The following TENM2 variants were observed in gnomAD, a reference collection of about 807,000 sequenced individuals.
TENM2 encodes the protein teneurin transmembrane protein 2.
A neutral mutation model predicts 245.2 loss-of-function variants in TENM2; 52 were observed. That is an observed-to-expected ratio of 0.21 (90% CI 0.17 to 0.27). The LOEUF (loss-of-function observed/expected upper bound fraction) is 0.27, where lower values mean the gene tolerates loss of function less well. TENM2 is among the 10% of genes least tolerant of loss of function. The pLI is 1.00. For missense variants in TENM2, 3,046 were observed against 3,666.8 expected (o/e 0.83, Z 4.37); for synonymous variants, 1,363 against 1,438.9 (o/e 0.95, Z 1.19).
intron 4 of TENM2, among the ~76,000 whole-genome samples, chr5:167,960,849 C>G (rs1014961228): frequency 3.3e-5 from 5 of 152,238 alleles, no homozygotes; most frequent in Admixed American, 1.3e-4. Context: ...AGGGAATCTC[C>G]TGGTCTGTGG....
chr5:168,010,386 A>C (rs1389223036), intron 5 of TENM2, among the ~76,000 whole-genome samples: 1 of 152,210 alleles, frequency 6.6e-6, no homozygotes, highest in Admixed American at 6.5e-5. Flanking sequence ...GCTCTTAACC[A>C]TGGGTAAAAT....
chr5:167,470,626 G>C (rs1046700463), intron 2 of TENM2, among the ~76,000 whole-genome samples: 3 of 151,832 alleles, frequency 2.0e-5, no homozygotes, highest in African/African-American at 4.8e-5. Flanking sequence ...ATCCTTGGAA[G>C]TAATGGTCTG....
chr5:167,390,170 C>T (rs898169341), intron 2 of TENM2, among the ~76,000 whole-genome samples: 3 of 152,118 alleles, frequency 2.0e-5, no homozygotes, highest in African/African-American at 4.8e-5. Flanking sequence ...AATGTATTTA[C>T]GGAGTTGATT....
intron 2 of TENM2, among the ~76,000 whole-genome samples, chr5:167,611,021 A>G (rs1777443088): frequency 6.6e-6 from 1 of 152,192 alleles, no homozygotes. Context: ...GTTTTAATGT[A>G]GATTATCTTA....
At chr5:167,768,903 G>A (rs1400750181) in intron 2 of TENM2, among the ~76,000 whole-genome samples, 1 of 152,192 alleles carries the variant, frequency 6.6e-6, no homozygotes, top group African/African-American at 2.4e-5. Context: ...TAGGTAAGAA[G>A]GAGGAAGATT....
At chr5:167,703,703 T>C (rs279407) in intron 2 of TENM2, among the ~76,000 whole-genome samples, 61,285 of 151,976 alleles carry the variant, frequency 0.4, 14,799 homozygotes, top group East Asian at 0.82. Flanking sequence ...AGAAGTAGTA[T>C]ACTAAATTAG....
the TENM2 span, among the ~76,000 whole-genome samples, chr5:167,092,344 G>C: frequency 7.5e-6 from 1 of 134,040 alleles, no homozygotes; most frequent in Non-Finnish European, 1.8e-5. Flanking sequence ...GAGACAGACT[G>C]ACTGGGCCAC....
chr5:168,091,097 T>C (rs537820023), intron 8 of TENM2, among the ~76,000 whole-genome samples: 4 of 152,226 alleles, frequency 2.6e-5, no homozygotes, highest in South Asian at 4.2e-4. Flanking sequence ...GGAACTAACG[T>C]GAATGCCCAC....
At position 168,247,252 on chromosome 5, in the gene TENM2, C is replaced by T. The variant is rs1670014186; in HGVS notation, c.6313C>T (p.Pro2105Ser). ...CAGCTTCCGCATCGCAAGCATCAAG[C>T]CCGTCATAAGTGAGACTCCCCTCCC... The change falls in exon 27 of 29, where the codon CCC (proline) becomes TCC (serine). Residue 2105 changes from proline to serine, a missense_variant. Coordinates refer to ENST00000518659, the Ensembl canonical transcript of TENM2. The surrounding 1 kb of genome is among the most constrained non-coding windows in gnomAD (Gnocchi z 7.8). 1 of 1,613,830 alleles carries T rather than the reference C, an allele frequency of 6.2e-7. No homozygotes were observed. The highest frequency in any genetic ancestry group is 1.3e-5 in the African/African-American group (1 of 74,890).
At chr5:167,373,162 C>T (rs1245681070) in intron 1 of TENM2, among the ~76,000 whole-genome samples, 4 of 152,154 alleles carry the variant, frequency 2.6e-5, no homozygotes, top group Non-Finnish European at 5.9e-5. Flanking sequence ...GGGCTTGATT[C>T]CATTTACACA....
intron 7 of TENM2, among the ~76,000 whole-genome samples, chr5:168,085,906 G>A (rs774981489): frequency 2.6e-5 from 4 of 152,244 alleles, no homozygotes; most frequent in South Asian, 2.1e-4. Context: ...ATCAGACATC[G>A]TCAGGAGGCC....
the TENM2 span, among the ~76,000 whole-genome samples, chr5:167,028,249 C>A: frequency 0.49 from 74,436 of 151,706 alleles, 18,532 homozygotes; most frequent in Admixed American, 0.59. Flanking sequence ...TATTCTGTCA[C>A]CATAACATTT....
chr5:167,452,148 A>G (rs1765622919), intron 2 of TENM2, among the ~76,000 whole-genome samples: 2 of 152,232 alleles, frequency 1.3e-5, no homozygotes, highest in African/African-American at 4.8e-5. Context: ...AGAATTGGAA[A>G]TATTGGCTCA....
Position 167,708,963 on chromosome 5 carries a change from T to C in TENM2, c.503-167023T>C, listed in dbSNP as rs940960568. 3.3e-5 allele frequency among the ~76,000 whole-genome samples: 5 copies of C among 152,320 alleles called. No homozygotes were observed. In the East Asian group the frequency reaches 9.6e-4, roughly 29 times the overall value. ...TCCCCAAAGCATTCTTTCCCTTTTA[T>C]GAAATGGGCGAGTCTAGCACTTCCC... is the stretch of plus-strand genomic sequence containing the variant. On this transcript the variant is annotated intron_variant, in intron 2 of 28. Transcript: ENST00000518659.
chr5:167,570,007 G>A (rs989660420), intron 2 of TENM2, among the ~76,000 whole-genome samples: 1 of 152,118 alleles, frequency 6.6e-6, no homozygotes, highest in African/African-American at 2.4e-5. Context: ...ACTTGTGGAG[G>A]ACATGTAACC....
At chr5:167,034,629 CAAAAAAAAAA>C in the TENM2 span, among the ~76,000 whole-genome samples, 1,383 of 72,370 alleles carry the variant, frequency 0.019, 15 homozygotes, top group Non-Finnish European at 0.026. Flanking sequence ...GACTCCGTCT[CAAAAAAAAAA>C]AAAAAAAAAA....
intron 2 of TENM2, among the ~76,000 whole-genome samples, chr5:167,401,537 C>G (rs1050964156): frequency 6.6e-6 from 1 of 152,082 alleles, no homozygotes; most frequent in South Asian, 2.1e-4. Context: ...GAATAAAAGG[C>G]TAACACACTT....
At chr5:167,977,306 A>G (rs1782512835) in intron 4 of TENM2, among the ~76,000 whole-genome samples, 2 of 152,282 alleles carry the variant, frequency 1.3e-5, no homozygotes, top group East Asian at 1.9e-4. Flanking sequence ...AAACCTACAC[A>G]TGTACCCCTC....
chr5:167,031,911 A>G, the TENM2 span, among the ~76,000 whole-genome samples: 2 of 152,066 alleles, frequency 1.3e-5, no homozygotes, highest in African/African-American at 2.4e-5. Flanking sequence ...TTTTTTTACT[A>G]CTTAATGACC....
Sources: allele counts gnomAD v4.1 joint callset (sites outside exome capture counted in the v4.1 genomes callset), GRCh38; gene constraint gnomAD v4.1.1; non-coding constraint Gnocchi (gnomAD v3.1); transcripts MANE v1.5; gene names NCBI Gene and HGNC (gene_info 2026-07-23, HGNC 2026-07-21).